MYH10: variants seen among roughly 807,000 people sequenced by gnomAD.
The protein encoded by MYH10 is myosin-10.
MYH10 carries 55 observed loss-of-function variants against 257.8 expected under a neutral mutation model. The ratio of observed to expected loss-of-function variants is 0.21; its 90% CI spans 0.17 to 0.27. The LOEUF (loss-of-function observed/expected upper bound fraction) is 0.27. Among genes scored for constraint, MYH10 ranks in the 10% least tolerant of loss-of-function variants. MYH10 has a pLI of 1.00. For synonymous variants in MYH10, 854 were observed against 921.7 expected, an observed-to-expected ratio of 0.93 and a Z score of 1.33; for missense variants, 1,631 against 2,500.6, an observed-to-expected ratio of 0.65 and a Z score of 7.42.
intron 4 of MYH10, among the ~76,000 whole-genome samples, chr17:8,588,294 C>G (rs1043434567): frequency 2.6e-5 from 4 of 152,126 alleles, no homozygotes; most frequent in African/African-American, 9.7e-5. Flanking sequence ...TCCTGAGCTC[C>G]AAACCCACAT....
In MYH10 at chr17:8,480,145, A is replaced by G; in HGVS notation, c.5562T>C (p.Ile1854=). The G allele has an allele frequency of 6.2e-7, 1 of 1,614,102 alleles. No homozygotes were observed. ...KATISALEAK[I]GQLEEQLEQE... ...GCTCAAGCTGCTCCTCCAGCTGCCCAATCTTGGCCTCCAGGGCTGAGATGG... is the reference window on the plus strand; with the variant it reads ...GCTCAAGCTGCTCCTCCAGCTGCCCGATCTTGGCCTCCAGGGCTGAGATGG... The change falls in exon 40 of 43, where the codon ATT becomes ATC. Residue 1854 remains isoleucine (I), a synonymous_variant. Transcript: ENST00000360416.
At chr17:8,592,970 T>TATATATATATATATATATATA (rs1567953268) in intron 3 of MYH10, among the ~76,000 whole-genome samples, 3 of 121,956 alleles carry the variant, frequency 2.5e-5, no homozygotes, top group Non-Finnish European at 5.2e-5. Flanking sequence ...TATATATATA[T>TATATATATATATATATATATA]AAAAGATGAT....
intron 7 of MYH10, among the ~76,000 whole-genome samples, chr17:8,567,347 T>C (rs1263329681): frequency 6.6e-6 from 1 of 152,248 alleles, no homozygotes; most frequent in Non-Finnish European, 1.5e-5. Flanking sequence ...TAAATGAACT[T>C]GGATTAAGTG....
rs1185569018 is a variant in MYH10 at position 8,474,372 on chromosome 17, T to TC, written c.*1431dup. On this transcript the variant is annotated 3_prime_UTR_variant, in exon 43 of 43. Transcript: ENST00000360416. ...GGAATACAAGAAAAGATATTTGCGG[T>TC]CAGGTGTCTGGTGGTCAACAGCCAG... 1.3e-5 allele frequency: 2 copies of TC among 152,546 alleles called. No individual in the cohort carries two copies. The highest frequency in any genetic ancestry group is 4.8e-5 in the African/African-American group (2 of 41,442). The allele number at this position is 152,546 out of a possible 1,614,324, so 9.4% of individuals were successfully genotyped here. A position where few individuals can be genotyped will look rare whatever the true frequency, so the allele number is the denominator to read the frequency against.
In MYH10 at chr17:8,521,097, T is replaced by G. The variant is rs1265945753; in HGVS notation, c.2146A>C (p.Lys716Gln). 6.2e-6 allele frequency: 10 copies of G among 1,614,204 alleles called. No individual in the cohort carries two copies. The highest frequency in any genetic ancestry group is 7.6e-6 in the Non-Finnish European group (9 of 1,180,018). ...FVRCIIPNHE[K>Q]RAGKLDPHLV... ...ATGTTTTGCTCAGCACGTACCCTCT[T>G]CTCGTGATTTGGAATGATACAACGA... The change falls in exon 18 of 43, where the codon AAG becomes CAG. Residue 716 changes from lysine (K) to glutamine (Q), a missense_variant. By Grantham distance (53) the Lys-to-Gln change is moderately conservative (BLOSUM62 1). This residue lies in a region of MYH10 where 96 missense variants were observed against 146.2 expected (regional missense o/e 0.66). Coordinates refer to ENST00000360416, the MANE Select transcript of MYH10 (RefSeq NM_001256012.3).
chr17:8,524,490 A>AAAG (rs1567846481), intron 17 of MYH10, among the ~76,000 whole-genome samples: 3 of 125,770 alleles, frequency 2.4e-5, no homozygotes, highest in African/African-American at 5.7e-5. Context: ...AAAAAAAAAA[A>AAAG]AAGGATATGG....
At chr17:8,502,573 C>A (rs986859121) in intron 28 of MYH10, among the ~76,000 whole-genome samples, 2 of 151,866 alleles carry the variant, frequency 1.3e-5, no homozygotes, top group Non-Finnish European at 2.9e-5. Context: ...GCTGAACAAC[C>A]CCATTTCTTT....
intron 35 of MYH10, 75 bp from the exon 36 acceptor site, chr17:8,487,669 G>A (rs780051163): frequency 6.4e-7 from 1 of 1,552,678 alleles, no homozygotes; most frequent in African/African-American, 1.4e-5. Context: ...GTTCTCAAGT[G>A]GGGGGCTCTG....
chr17:8,573,033 A>G (rs2083398791), intron 6 of MYH10, among the ~76,000 whole-genome samples: 1 of 152,192 alleles, frequency 6.6e-6, no homozygotes, highest in Non-Finnish European at 1.5e-5. Context: ...CTATTCTATA[A>G]TGTTATTTTG....
intron 4 of MYH10, among the ~76,000 whole-genome samples, chr17:8,585,134 T>A (rs1306287769): frequency 6.6e-6 from 1 of 151,758 alleles, no homozygotes; most frequent in Non-Finnish European, 1.5e-5. Context: ...TGAGCCATCA[T>A]GCCTGGCCTG....
chr17:8,480,629 C>T (rs1469388694), intron 38 of MYH10, 104 bp from the exon 39 acceptor site: 1 of 1,485,000 alleles, frequency 6.7e-7, no homozygotes, highest in Non-Finnish European at 9.1e-7. Context: ...ACCTGAGCAG[C>T]CATCCTGAAT....
At chr17:8,547,301 T>A (rs2082475397) in intron 11 of MYH10, among the ~76,000 whole-genome samples, 1 of 152,130 alleles carries the variant, frequency 6.6e-6, no homozygotes, top group Non-Finnish European at 1.5e-5. Context: ...TGCCTTACTC[T>A]GCATTTTAGA....
rs2082134142 is a variant in MYH10, at chr17:8,536,226, A to G, written c.1606-295T>C. Among the ~76,000 whole-genome samples the G allele has an allele frequency of 4.6e-5, 7 of 152,194 alleles. No individual in the cohort carries two copies. The South Asian group carries it at 1.4e-3, about 31-fold the overall frequency. ...GCAGATGGCCCCACAAAAGTGGCAAATAAAAGAAGCCAGAAACGCAGTGGG... is the reference window on the plus strand; with the variant it reads ...GCAGATGGCCCCACAAAAGTGGCAAGTAAAAGAAGCCAGAAACGCAGTGGG... On this transcript the variant is annotated intron_variant, in intron 14 of 42. Coordinates refer to ENST00000360416, the MANE Select transcript of MYH10 (RefSeq NM_001256012.3).
At chr17:8,583,208 T>A (rs1302927184) in intron 4 of MYH10, among the ~76,000 whole-genome samples, 1 of 152,194 alleles carries the variant, frequency 6.6e-6, no homozygotes, top group Non-Finnish European at 1.5e-5. Context: ...TCCAAAGACA[T>A]GTTCACTTTC....
rs1165629343 is a variant in MYH10, at chr17:8,585,286, GTGTATA to G, written c.530+3789_530+3794del. On this transcript the variant is annotated intron_variant, in intron 4 of 42. Coordinates refer to ENST00000360416, the MANE Select transcript of MYH10 (RefSeq NM_001256012.3). ...TGTATATATATGTGCATGTGTGTGT[GTGTATA>G]TATATATATATATAGCTACATATGG... Among the ~76,000 whole-genome samples the G allele has an allele frequency of 1.3e-4, 11 of 84,634 alleles. No individual in the cohort carries two copies. The East Asian group carries it at 1.7e-3, about 13-fold the overall frequency. 55.5% of individuals were successfully genotyped at this position (84,634 alleles called of 152,430 possible).
chr17:8,622,042 T>C (rs2085486912), intron 2 of MYH10, among the ~76,000 whole-genome samples: 1 of 152,232 alleles, frequency 6.6e-6, no homozygotes, highest in Non-Finnish European at 1.5e-5. Flanking sequence ...TACTGAAGTT[T>C]TGAATTATTC....
chr17:8,513,493 T>C, intron 23 of MYH10, 45 bp downstream of exon 23: 1 of 1,609,888 alleles, frequency 6.2e-7, no homozygotes, highest in Non-Finnish European at 8.5e-7. Flanking sequence ...CAAGATCTCA[T>C]AGGGATTCAG....
chr17:8,606,308 C>T (rs1412314309), intron 2 of MYH10, among the ~76,000 whole-genome samples: 1 of 152,180 alleles, frequency 6.6e-6, no homozygotes, highest in African/African-American at 2.4e-5. Context: ...TACGGAAAAA[C>T]AAGAGCAGTC....
chr17:8,555,019 G>A (rs974668193), intron 7 of MYH10, among the ~76,000 whole-genome samples: 13 of 148,254 alleles, frequency 8.8e-5, no homozygotes, highest in East Asian at 5.9e-4. Context: ...AAGGAGAATC[G>A]CTTGAACCCG....
Sources: allele counts gnomAD v4.1 joint callset (sites outside exome capture counted in the v4.1 genomes callset), GRCh38; gene constraint gnomAD v4.1.1; regional missense constraint gnomAD v4.1.1; transcripts MANE v1.5; gene names NCBI Gene and HGNC (gene_info 2026-07-23, HGNC 2026-07-21).